The following SI variants were observed in gnomAD, a reference collection of about 807,000 sequenced individuals.
SI encodes the protein sucrase-isomaltase.
A neutral mutation model predicts 253.3 loss-of-function variants in SI; 235 were observed. The observed-to-expected ratio is 0.93, with a 90% confidence interval of 0.83 to 1.03. The LOEUF is 1.03. SI is among the 50% of genes least tolerant of loss of function. The pLI is 0.00. For missense variants in SI, 2,442 were observed against 2,211.1 expected (o/e 1.10, Z -2.09); for synonymous variants, 819 against 712.0 (o/e 1.15, Z -2.39).
At chr3:165,044,332 C>T (rs1158778244) in intron 16 of SI, among the ~76,000 whole-genome samples, 1 of 151,904 alleles carries the variant, frequency 6.6e-6, no homozygotes, top group African/African-American at 2.4e-5. Context: ...TTCTGGTTTA[C>T]TTATAATGTG....
chr3:165,043,492 G>T (rs927244282), intron 16 of SI, among the ~76,000 whole-genome samples: 15 of 151,634 alleles, frequency 9.9e-5, no homozygotes, highest in African/African-American at 3.6e-4. Flanking sequence ...AAATATGTTG[G>T]TTGCTTCTTA....
intron 24 of SI, among the ~76,000 whole-genome samples, chr3:165,032,032 G>C (rs988020555): frequency 6.6e-6 from 1 of 151,080 alleles, no homozygotes; most frequent in African/African-American, 2.4e-5. Context: ...TACAGGAGAA[G>C]AAAAGTGTAA....
At chr3:165,055,515 C>T (rs895619797) in intron 12 of SI, among the ~76,000 whole-genome samples, 1 of 151,654 alleles carries the variant, frequency 6.6e-6, no homozygotes, top group Non-Finnish European at 1.5e-5. Flanking sequence ...AATCATGAAG[C>T]ATTTAGGAAG....
At chr3:165,004,607 G>A (rs1274955253) in intron 37 of SI, among the ~76,000 whole-genome samples, 2 of 152,004 alleles carry the variant, frequency 1.3e-5, no homozygotes, top group African/African-American at 4.8e-5. Flanking sequence ...GTCCTATGCA[G>A]CTATAAAAAA....
rs569168502 is a variant in SI, at chr3:165,061,391, A to G, written c.1020+980T>C. 1.4e-3 allele frequency among the ~76,000 whole-genome samples: 214 copies of G among 152,108 alleles called. 2 individuals carry two copies. Among genetic ancestry groups the G allele is most frequent in the African/African-American group, 5.1e-3 (210 of 41,556 alleles). ...AGAACTGTAATTATGATTTTATATT[A>G]CAGATACTGTAAACTTTCTGCGCTT... On this transcript the variant is annotated intron_variant, in intron 9 of 47. Coordinates refer to ENST00000264382, the MANE Select transcript of SI (RefSeq NM_001041.4).
intron 15 of SI, among the ~76,000 whole-genome samples, chr3:165,048,786 T>C (rs1159981167): frequency 1.3e-5 from 2 of 151,742 alleles, no homozygotes; most frequent in Admixed American, 1.3e-4. Flanking sequence ...CCCAGCTAGA[T>C]TTGTACTTTT....
At chr3:164,989,433 A>AAAGAAAGGAAGG (rs1553768937) in intron 44 of SI, among the ~76,000 whole-genome samples, 1 of 132,872 alleles carries the variant, frequency 7.5e-6, no homozygotes, top group African/African-American at 3.6e-5. Flanking sequence ...AGAAAGAAAG[A>AAAGAAAGGAAGG]AAGGAAAGAA....
chr3:164,991,579 T>G lies in SI; in HGVS notation c.4984-102A>C, dbSNP rs79909010. On this transcript the variant is annotated intron_variant, in intron 43 of 47. Coordinates refer to ENST00000264382, the MANE Select transcript of SI (RefSeq NM_001041.4). ...CATTTTAAAAAATCAAATGATACAC[T>G]TTTAGATTAAAAAATTCACATTTAT... The G allele has an allele frequency of 0.01, 12,628 of 1,237,410 alleles. 953 individuals are homozygous for G. In the African/African-American group the frequency reaches 0.17, roughly 16 times the overall value. The allele number at this position is 1,237,410 out of a possible 1,614,324, so 76.7% of individuals were successfully genotyped here. A position where few individuals can be genotyped will look rare whatever the true frequency, so the allele number is the denominator to read the frequency against.
At chr3:165,035,047 T>A (rs1027807881) in intron 22 of SI, among the ~76,000 whole-genome samples, 1 of 151,926 alleles carries the variant, frequency 6.6e-6, no homozygotes, top group East Asian at 1.9e-4. Flanking sequence ...TTCCAAGGTG[T>A]TGGCATCTGT....
At chr3:165,061,766 C>T (rs191366006) in intron 9 of SI, among the ~76,000 whole-genome samples, 26 of 151,970 alleles carry the variant, frequency 1.7e-4, no homozygotes, top group Admixed American at 1.6e-3. Flanking sequence ...CTGGGTTCCC[C>T]ACCTCTCTAA....
chr3:164,986,998 G>T, intron 45 of SI, 140 bp downstream of exon 45: 2 of 704,532 alleles, frequency 2.8e-6, no homozygotes, highest in Non-Finnish European at 5.0e-6. Context: ...AGTTGATTCA[G>T]TGAATTTAGT....
rs193140574 is a variant in SI at position 165,035,605 on chromosome 3, A to G, written c.2515+784T>C. ...TTTTTCTTCTTGTTGTCCTTCCTAT[A>G]TTTATCTGTAACTCTTTAAAATTTG... On this transcript the variant is annotated intron_variant, in intron 22 of 47. Coordinates refer to ENST00000264382, the MANE Select transcript of SI (RefSeq NM_001041.4). Among the ~76,000 whole-genome samples, 67 of 151,634 alleles carry G rather than the reference A, an allele frequency of 4.4e-4. 2 individuals carry two copies. The highest frequency in any genetic ancestry group is 1.3e-3 in the African/African-American group (55 of 41,532).
intron 34 of SI, among the ~76,000 whole-genome samples, chr3:165,011,603 G>A (rs1305804552): frequency 6.6e-6 from 1 of 152,030 alleles, no homozygotes; most frequent in South Asian, 2.1e-4. Flanking sequence ...AAAGTTCTAC[G>A]TATGTCTGTT....
upstream of SI, among the ~76,000 whole-genome samples, chr3:165,079,099 A>G (rs539101608): frequency 2.6e-5 from 4 of 151,730 alleles, no homozygotes; most frequent in South Asian, 8.3e-4. Flanking sequence ...ATAAAAAATC[A>G]TATTGTAAAC....
intron 36 of SI, among the ~76,000 whole-genome samples, chr3:165,007,269 A>G (rs1718558976): frequency 6.6e-6 from 1 of 152,140 alleles, no homozygotes; most frequent in South Asian, 2.1e-4. Flanking sequence ...TAAAGCCCAG[A>G]GTTTAAGGGC....
intron 12 of SI, 139 bp downstream of exon 12, chr3:165,058,824 A>C: frequency 4.6e-6 from 3 of 651,986 alleles, no homozygotes; most frequent in Non-Finnish European, 7.9e-6. Flanking sequence ...TTTTCTCCAC[A>C]ATTAAAATAT....
intron 47 of SI, among the ~76,000 whole-genome samples, chr3:164,981,191 T>A (rs1717173312): frequency 6.6e-6 from 1 of 152,072 alleles, no homozygotes; most frequent in South Asian, 2.1e-4. Flanking sequence ...TTATTTTATA[T>A]TTCCTATTCT....
Position 165,059,172 on chromosome 3 carries a change from A to T in SI, c.1274T>A (p.Ile425Asn). ...LHDHGQKYVIILDPAISIGRR... is the reference protein window; with the variant it reads ...LHDHGQKYVINLDPAISIGRR... ...TAAGGTATAATTGATTATTACCAAG[A>T]TGATGACATATTTCTGTCCATGGTC... The change falls in exon 11 of 48, where the codon ATC becomes AAC. Residue 425 changes from isoleucine to asparagine, a missense_variant. Physicochemically the swap from Ile to Asn is moderately radical, Grantham distance 149 (BLOSUM62 -3). Transcript: ENST00000264382. The T allele has an allele frequency of 6.2e-7, 1 of 1,612,634 alleles. No homozygotes were observed. The highest frequency in any genetic ancestry group is 8.5e-7 in the Non-Finnish European group (1 of 1,179,196).
intron 41 of SI, 42 bp from the exon 42 acceptor site, chr3:164,992,439 C>T: frequency 1.5e-6 from 2 of 1,312,608 alleles, no homozygotes; most frequent in Non-Finnish European, 2.2e-6. Context: ...AAACAAATAA[C>T]TTTCTTCTGA....
Sources: gnomAD v4.1 joint callset for allele counts (sites outside exome capture counted in the v4.1 genomes callset) on GRCh38, gnomAD v4.1.1 for gene constraint, MANE v1.5 for transcripts, NCBI Gene and HGNC (gene_info 2026-07-23, HGNC 2026-07-21) for gene names.